Variants in TLK1 observed in about 807,000 individuals in gnomAD.
TLK1 encodes serine/threonine-protein kinase tousled-like 1.
In TLK1, 24 loss-of-function variants were observed where a neutral mutation model predicts 105.3. The observed-to-expected ratio is 0.23, with a 90% CI of 0.17 to 0.32. TLK1 has a LOEUF of 0.32. TLK1 is among the 10% of genes least tolerant of loss of function. The probability of loss-of-function intolerance (pLI) is 1.00; values close to 1 mark genes in which losing one functional copy is unlikely to be tolerated. For synonymous variants in TLK1, 321 were observed against 310.4 expected, an observed-to-expected ratio of 1.03 and a Z score of -0.36; for missense variants, 558 against 910.5, an observed-to-expected ratio of 0.61 and a Z score of 4.98.
chr2:171,113,008 G>C (rs186113341), intron 2 of TLK1, among the ~76,000 whole-genome samples: 48 of 151,946 alleles, frequency 3.2e-4, no homozygotes, highest in Non-Finnish European at 5.9e-4. Context: ...CACAAAAAAA[G>C]CTATAATAGA....
intron 3 of TLK1, among the ~76,000 whole-genome samples, chr2:171,068,518 T>C (rs1300615223): frequency 2.6e-5 from 4 of 152,148 alleles, no homozygotes; most frequent in African/African-American, 9.7e-5. Flanking sequence ...TTAGCATTGA[T>C]TCTCAATGCT....
intron 3 of TLK1, among the ~76,000 whole-genome samples, chr2:171,072,140 T>C (rs1688288743): frequency 6.6e-6 from 1 of 152,232 alleles, no homozygotes; most frequent in African/African-American, 2.4e-5. Context: ...AAGAATGCCA[T>C]TGGTATTTTG....
At chr2:171,112,255 A>C (rs1193390564) in intron 2 of TLK1, among the ~76,000 whole-genome samples, 2 of 152,124 alleles carry the variant, frequency 1.3e-5, no homozygotes, top group Non-Finnish European at 1.5e-5. Flanking sequence ...TGGCCTGATA[A>C]ATGTTTTTTA....
intron 12 of TLK1, among the ~76,000 whole-genome samples, chr2:171,024,148 C>T (rs964329503): frequency 2.6e-5 from 4 of 152,098 alleles, no homozygotes; most frequent in Non-Finnish European, 4.4e-5. Flanking sequence ...AAAAAAGTTA[C>T]TTGTTCCTTT....
chr2:171,103,264 T>TTATATATA lies in TLK1; in HGVS notation c.258+14467_258+14474dup, dbSNP rs571890429. ...GTTAAGAAAAAAATTGATCTCAAAT[T>TTATATATA]TATATATATATATATATAATTTTTT... On this transcript the variant is annotated intron_variant, in intron 2 of 20. Transcript: ENST00000431350. Among the ~76,000 whole-genome samples, 507 of 136,518 alleles carry TTATATATA rather than the reference T, an allele frequency of 3.7e-3. 23 individuals are homozygous for TTATATATA. Among genetic ancestry groups the TTATATATA allele is most frequent in the Middle Eastern group, 0.014 (4 of 276 alleles). The allele number at this position is 136,518 out of a possible 152,430, so 89.6% of individuals were successfully genotyped here. A position where few individuals can be genotyped will look rare whatever the true frequency, so the allele number is the denominator to read the frequency against.
intron 1 of TLK1, among the ~76,000 whole-genome samples, chr2:171,145,589 C>CAAA (rs71401407): frequency 1.7e-5 from 2 of 116,142 alleles, no homozygotes; most frequent in African/African-American, 3.2e-5. Flanking sequence ...GACTCTGTCT[C>CAAA]AAAAAAAAAA....
intron 3 of TLK1, among the ~76,000 whole-genome samples, chr2:171,070,532 T>C (rs531807971): frequency 1.2e-4 from 18 of 152,316 alleles, no homozygotes; most frequent in Middle Eastern, 3.4e-3. Flanking sequence ...GTGAAGTTTG[T>C]CTTTCTGTGC....
At chr2:171,158,742 T>C (rs890218557) in intron 1 of TLK1, among the ~76,000 whole-genome samples, 2 of 152,232 alleles carry the variant, frequency 1.3e-5, no homozygotes, top group Non-Finnish European at 2.9e-5. Context: ...CATCAACTTC[T>C]CTATGAAATA....
chr2:171,022,952 G>T (rs1301322707), intron 12 of TLK1: 1 of 408,524 alleles, frequency 2.4e-6, no homozygotes, highest in Non-Finnish European at 5.0e-6. Context: ...TAGTTGCATG[G>T]TCCACTGTGA....
chr2:171,061,655 T>C (rs1687756526), intron 3 of TLK1, among the ~76,000 whole-genome samples: 1 of 152,240 alleles, frequency 6.6e-6, no homozygotes, highest in Non-Finnish European at 1.5e-5. Context: ...CTGGCAATTA[T>C]TATCCAACCG....
intron 12 of TLK1, among the ~76,000 whole-genome samples, chr2:171,020,493 T>C (rs919378941): frequency 2.7e-5 from 4 of 150,410 alleles, no homozygotes; most frequent in African/African-American, 9.8e-5. Context: ...TGGGCCCAGA[T>C]TGCACCACTG....
intron 1 of TLK1, among the ~76,000 whole-genome samples, chr2:171,170,227 T>C (rs970668513): frequency 2.0e-5 from 3 of 152,190 alleles, no homozygotes; most frequent in African/African-American, 7.2e-5. Flanking sequence ...GATAGGTAAA[T>C]ATGTAGTAAG....
chr2:171,187,851 A>G (rs1339322724), intron 1 of TLK1, among the ~76,000 whole-genome samples: 1 of 152,214 alleles, frequency 6.6e-6, no homozygotes, highest in Non-Finnish European at 1.5e-5. Flanking sequence ...GAATGAATGA[A>G]TGGATGAATA....
At chr2:171,151,239 G>A (rs529402108) in intron 1 of TLK1, among the ~76,000 whole-genome samples, 105 of 151,858 alleles carry the variant, frequency 6.9e-4, no homozygotes, top group African/African-American at 2.0e-3. Flanking sequence ...GGCTGGTCTC[G>A]AACTCCTGCG....
chr2:170,998,834 T>C (rs1340757647), intron 18 of TLK1, among the ~76,000 whole-genome samples: 1 of 152,172 alleles, frequency 6.6e-6, no homozygotes, highest in Admixed American at 6.5e-5. Context: ...AGTGGTACGA[T>C]CATAGCTCAC....
chr2:171,025,607 G>A (rs773091470), intron 12 of TLK1, among the ~76,000 whole-genome samples: 3 of 152,100 alleles, frequency 2.0e-5, no homozygotes, highest in Non-Finnish European at 4.4e-5. Context: ...TTTACAAGTC[G>A]GGGTTCATGT....
At position 171,228,576 on chromosome 2, in the gene TLK1, T is replaced by C. The variant is rs1264631754; in HGVS notation, c.-6+2569A>G. The stretch of plus-strand genomic sequence containing the variant: ...TAAAAAAACCCAAAGATAAATAATA[T>C]TTAGAACTCTTTTATTAAGTAGGTA... On this transcript the variant is annotated intron_variant, in intron 1 of 20. Coordinates refer to the TLK1 transcript ENST00000521943. Among the ~76,000 whole-genome samples the C allele has an allele frequency of 1.1e-4, 17 of 152,282 alleles. 1 individual carries two copies. Among genetic ancestry groups the C allele is most frequent in the Non-Finnish European group, 1.5e-5 (1 of 68,014 alleles).
intron 1 of TLK1, among the ~76,000 whole-genome samples, chr2:171,220,127 A>G (rs535142219): frequency 6.6e-6 from 1 of 152,274 alleles, no homozygotes; most frequent in East Asian, 1.9e-4. Flanking sequence ...TTCCATTTCA[A>G]TATCCTTAAT....
At chr2:171,010,066 C>T (rs1684834342) in intron 14 of TLK1, among the ~76,000 whole-genome samples, 1 of 152,112 alleles carries the variant, frequency 6.6e-6, no homozygotes, top group Admixed American at 6.5e-5. Context: ...TTGCAGTGTA[C>T]AAAATGACTT....
Sources: allele counts gnomAD v4.1 joint callset (sites outside exome capture counted in the v4.1 genomes callset), GRCh38; gene constraint gnomAD v4.1.1; transcripts MANE v1.5; gene names NCBI Gene and HGNC (gene_info 2026-07-23, HGNC 2026-07-21).